EPC2: variants seen among roughly 807,000 people sequenced by gnomAD.
The protein encoded by EPC2 is enhancer of polycomb homolog 2.
A neutral mutation model predicts 92.1 loss-of-function variants in EPC2; 14 were observed. The ratio of observed to expected loss-of-function variants is 0.15; its 90% CI spans 0.10 to 0.24. The LOEUF is 0.24. Among genes scored for constraint, EPC2 ranks in the 10% least tolerant of loss-of-function variants. The pLI is 1.00. For missense variants in EPC2, 755 were observed against 971.5 expected, an observed-to-expected ratio of 0.78 and a Z score of 2.96; for synonymous variants, 340 against 334.7, an observed-to-expected ratio of 1.02 and a Z score of -0.17.
intron 4 of EPC2, 23 bp downstream of exon 4, chr2:148,754,156 T>C (rs1205765903): frequency 1.9e-6 from 3 of 1,545,934 alleles, no homozygotes; most frequent in Non-Finnish European, 2.6e-6. Flanking sequence ...TTAGGTTTCA[T>C]TGAAGGTAGC....
intron 1 of EPC2, among the ~76,000 whole-genome samples, chr2:148,675,688 T>G (rs192263863): frequency 3.9e-5 from 6 of 152,352 alleles, no homozygotes; most frequent in African/African-American, 1.4e-4. Context: ...TCTCTCCTGC[T>G]CTTTTCAATT....
At position 148,758,189 on chromosome 2, in the gene EPC2, A is replaced by T. The variant is rs1181153969; in HGVS notation, c.667-3593A>T. ...GTGGGTGGGTGGGTGTGGATGGATG[A>T]ATAGACAGCATTTCCTTACAGTAGA... On this transcript the variant is annotated intron_variant, in intron 4 of 13. Coordinates refer to ENST00000258484, the MANE Select transcript of EPC2 (RefSeq NM_015630.4). Among the ~76,000 whole-genome samples, 37 of 152,234 alleles carry T rather than the reference A, an allele frequency of 2.4e-4. 2 individuals are homozygous for T. The highest frequency in any genetic ancestry group is 4.2e-4 in the South Asian group (2 of 4,812).
At chr2:148,763,983 T>C (rs1041169402) in intron 6 of EPC2, among the ~76,000 whole-genome samples, 1 of 152,224 alleles carries the variant, frequency 6.6e-6, no homozygotes. Context: ...TTGCATCCAT[T>C]GTTGTCCTAC....
intron 2 of EPC2, among the ~76,000 whole-genome samples, chr2:148,709,931 G>T (rs546640056): frequency 6.6e-6 from 1 of 152,192 alleles, no homozygotes; most frequent in East Asian, 1.9e-4. Flanking sequence ...CAGGACATAG[G>T]CATGGACAAG....
intron 1 of EPC2, chr2:148,645,514 C>T: frequency 3.9e-6 from 1 of 257,878 alleles, no homozygotes; most frequent in Non-Finnish European, 7.5e-6. Context: ...CTCTCTCAGG[C>T]GCGGGGCTAA....
rs576052188 is a variant in EPC2 at position 148,770,828 on chromosome 2, T to C, written c.1267T>C (p.Ser423Pro). ...CCAAGCTAACCATTCATGTGAAAAT[T>C]CAGAATTGGCAGATTTGGATAAGTT... ...LDQANHSCENSELADLDKLRY... is the reference protein window; with the variant it reads ...LDQANHSCENPELADLDKLRY... Residue 423 changes from serine to proline, a missense_variant, in exon 9 of 14, where the codon TCA becomes CCA. Ser to Pro is a moderately conservative substitution (Grantham distance 74). Transcript: ENST00000258484. 9 of 1,613,496 alleles carry C rather than the reference T, an allele frequency of 5.6e-6. No homozygotes were observed. The East Asian group carries it at 2.0e-4, about 36-fold the overall frequency.
chr2:148,785,112 A>C (rs138688664), intron 13 of EPC2, 111 bp downstream of exon 13: 1 of 848,372 alleles, frequency 1.2e-6, no homozygotes, highest in Non-Finnish European at 1.7e-6. Flanking sequence ...GACAGACTTG[A>C]TTTTCAATAG....
At chr2:148,675,764 G>T (rs928284906) in intron 1 of EPC2, among the ~76,000 whole-genome samples, 13 of 152,068 alleles carry the variant, frequency 8.5e-5, no homozygotes, top group Admixed American at 8.5e-4. Context: ...TGTCATTGTG[G>T]TTTTATACGT....
intron 1 of EPC2, among the ~76,000 whole-genome samples, chr2:148,661,962 A>C (rs1014474222): frequency 6.6e-6 from 1 of 152,222 alleles, no homozygotes; most frequent in African/African-American, 2.4e-5. Flanking sequence ...ATGAACTCAA[A>C]CAAATTTACA....
rs1681242936 is a variant in EPC2 at position 148,675,393 on chromosome 2, TC to T, written c.154-14817del. ...TCTTGAACATTTCTTTTTTCTCCCC[TC>T]CCCAGAGTGAGAGTTGTTCATCAGT... On this transcript the variant is annotated intron_variant, in intron 1 of 13. Transcript: ENST00000258484. Among the ~76,000 whole-genome samples the T allele has an allele frequency of 2.6e-5, 4 of 152,168 alleles. No homozygotes were observed. In the South Asian group the frequency reaches 8.3e-4, roughly 32 times the overall value.
chr2:148,756,795 T>C, intron 4 of EPC2, among the ~76,000 whole-genome samples: 1 of 152,200 alleles, frequency 6.6e-6, no homozygotes. Context: ...CCCAGCGTAG[T>C]GGTTGTCAGT....
At chr2:148,783,847 A>G in intron 12 of EPC2, 91 bp downstream of exon 12, 1 of 1,279,116 alleles carries the variant, frequency 7.8e-7, no homozygotes, top group Admixed American at 2.2e-5. Context: ...CCAAGGGGAA[A>G]ATGTGTATAA....
intron 2 of EPC2, among the ~76,000 whole-genome samples, chr2:148,723,003 A>G (rs976789723): frequency 6.6e-6 from 1 of 152,148 alleles, no homozygotes; most frequent in Non-Finnish European, 1.5e-5. Context: ...GAAGGGAACA[A>G]GAGACACTGG....
intron 4 of EPC2, among the ~76,000 whole-genome samples, chr2:148,759,360 T>G (rs1683255824): frequency 6.6e-6 from 1 of 152,226 alleles, no homozygotes; most frequent in Admixed American, 6.5e-5. Context: ...CCCAAAGTGC[T>G]GGGATTACAG....
rs147616353 is a variant in EPC2 at position 148,756,466 on chromosome 2, T to G, written c.666+2333T>G. On this transcript the variant is annotated intron_variant, in intron 4 of 13. Transcript: ENST00000258484. The stretch of plus-strand genomic sequence containing the variant: ...ATACAACTAACAAAGGCTCTCTGTT[T>G]TCTGTTTGTGCAAAGTCAAAAACAC... Among the ~76,000 whole-genome samples the G allele has an allele frequency of 2.3e-3, 356 of 152,320 alleles. 2 individuals are homozygous for G. The highest frequency in any genetic ancestry group is 7.5e-3 in the African/African-American group (313 of 41,580).
At chr2:148,747,623 G>C (rs545216842) in intron 3 of EPC2, among the ~76,000 whole-genome samples, 81 of 152,174 alleles carry the variant, frequency 5.3e-4, no homozygotes, top group African/African-American at 1.9e-3. Flanking sequence ...TGAAATTGCA[G>C]TGTTTAAGGT....
chr2:148,761,942 C>A lies in EPC2; in HGVS notation c.815+12C>A. 1 of 1,553,574 alleles carries A rather than the reference C, an allele frequency of 6.4e-7. No individual in the cohort carries two copies. Among genetic ancestry groups the A allele is most frequent in the South Asian group, 1.3e-5 (1 of 78,722 alleles). On this transcript the variant is annotated intron_variant, in intron 5 of 13. Coordinates refer to ENST00000258484, the MANE Select transcript of EPC2 (RefSeq NM_015630.4). ...GTTGTGGAGAAAAGGTAACATTGCT[C>A]CTGTTACAACAGTAAAATGACAACT... is the stretch of plus-strand genomic sequence containing the variant.
chr2:148,702,722 C>T (rs1681914877), intron 2 of EPC2, among the ~76,000 whole-genome samples: 1 of 152,172 alleles, frequency 6.6e-6, no homozygotes, highest in Non-Finnish European at 1.5e-5. Flanking sequence ...TGAATGAAAG[C>T]AATGAGATGA....
At chr2:148,783,854 A>G (rs907308666) in intron 12 of EPC2, 98 bp downstream of exon 12, 5 of 1,211,492 alleles carry the variant, frequency 4.1e-6, no homozygotes, top group Admixed American at 4.5e-5. Flanking sequence ...GAAAATGTGT[A>G]TAAGTCAATC....
Sources: allele counts gnomAD v4.1 joint callset (sites outside exome capture counted in the v4.1 genomes callset), GRCh38; gene constraint gnomAD v4.1.1; transcripts MANE v1.5; gene names NCBI Gene and HGNC (gene_info 2026-07-23, HGNC 2026-07-21).